FAM186A: variants seen among roughly 807,000 people sequenced by gnomAD.
FAM186A encodes the protein family with sequence similarity 186 member A.
FAM186A carries 163 observed loss-of-function variants against 216.8 expected under a neutral mutation model. That is an observed-to-expected ratio of 0.75 (90% confidence interval 0.66 to 0.86). The LOEUF (loss-of-function observed/expected upper bound fraction) is 0.86. Ranked by LOEUF, FAM186A falls within the 40% of genes least tolerant of loss-of-function variation. FAM186A has a pLI of 0.00. For synonymous variants in FAM186A, 805 were observed against 1,025.3 expected, an observed-to-expected ratio of 0.79 and a Z score of 4.10; for missense variants, 2,184 against 2,746.2, an observed-to-expected ratio of 0.80 and a Z score of 4.58.
chr12:50,354,326 C>A lies in FAM186A; in HGVS notation c.2506G>T (p.Gly836Cys). ...YLQEGQEQMS[G>C]MSLKQQLLGE... ...AGCAACTGCTGTTTGAGACTCATGC[C>A]AGACATTTGTTCTTGACCCTCTTGC... Residue 836 changes from glycine (G) to cysteine (C), a missense_variant, in exon 4 of 8, where the codon GGC (glycine) becomes TGC (cysteine). Gly to Cys is a radical substitution (Grantham distance 159). Transcript: ENST00000327337. 2 of 1,551,682 alleles carry A rather than the reference C, an allele frequency of 1.3e-6. No homozygotes were observed.
At chr12:50,350,123 T>G (rs1377378938) in intron 4 of FAM186A, among the ~76,000 whole-genome samples, 2 of 152,118 alleles carry the variant, frequency 1.3e-5, no homozygotes, top group African/African-American at 4.8e-5. Flanking sequence ...ATGGATGAAA[T>G]GGATCACGTT....
At chr12:50,384,781 A>G (rs188381872) in intron 1 of FAM186A, among the ~76,000 whole-genome samples, 2 of 152,296 alleles carry the variant, frequency 1.3e-5, no homozygotes, top group Non-Finnish European at 2.9e-5. Context: ...TACACCATAT[A>G]CAAAAATCCA....
chr12:50,368,541 CAT>C (rs1007877965), intron 1 of FAM186A, among the ~76,000 whole-genome samples: 5 of 152,198 alleles, frequency 3.3e-5, no homozygotes, highest in East Asian at 3.9e-4. Context: ...AAAGATATCA[CAT>C]GTTTATGGAT....
Position 50,327,355 on chromosome 12 carries a change from T to C in FAM186A, c.*28A>G. On this transcript the variant is annotated 3_prime_UTR_variant, in exon 8 of 8. Transcript: ENST00000327337. Reference sequence around the variant, plus strand: ...TTACTGAAAGATACTGAAATGTACTTTCAACATGCTTGTATTTAATTTTAC... The same window carrying C: ...TTACTGAAAGATACTGAAATGTACTCTCAACATGCTTGTATTTAATTTTAC... The C allele has an allele frequency of 6.5e-7, 1 of 1,534,660 alleles. No homozygotes were observed. Among genetic ancestry groups the C allele is most frequent in the Non-Finnish European group, 8.8e-7 (1 of 1,132,182 alleles).
chr12:50,378,641 CAT>C (rs1565894883), intron 1 of FAM186A, among the ~76,000 whole-genome samples: 1 of 139,854 alleles, frequency 7.2e-6, no homozygotes, highest in Non-Finnish European at 1.5e-5. Context: ...TATACACATA[CAT>C]ATATATACAC....
chr12:50,393,365 C>G (rs907968454), intron 1 of FAM186A, among the ~76,000 whole-genome samples: 8 of 151,098 alleles, frequency 5.3e-5, no homozygotes, highest in Non-Finnish European at 8.8e-5. Flanking sequence ...TGGTGAAACC[C>G]TGTCTCTACT....
rs35933165 is a variant in FAM186A, at chr12:50,357,500, GA to G, written c.584-1253del. ...CTGGGCAAAGAGTGAGACTCTGTCT[GA>G]AAAAAAAAAAAAAAAAAGACACACA... On this transcript the variant is annotated intron_variant, in intron 3 of 7. Coordinates refer to ENST00000327337, the MANE Select transcript of FAM186A (RefSeq NM_001145475.3). Among the ~76,000 whole-genome samples, 129 of 37,188 alleles carry G rather than the reference GA, an allele frequency of 3.5e-3. 1 individual carries two copies. The highest frequency in any genetic ancestry group is 5.3e-3 in the Admixed American group (15 of 2,828). 24.4% of individuals were successfully genotyped at this position (37,188 alleles called of 152,430 possible).
intron 1 of FAM186A, among the ~76,000 whole-genome samples, chr12:50,394,441 C>T (rs1943392957): frequency 6.6e-6 from 1 of 151,788 alleles, no homozygotes; most frequent in Admixed American, 6.6e-5. Flanking sequence ...GTAGTCCCAG[C>T]TACTTGGGAA....
At position 50,330,670 on chromosome 12, in the gene FAM186A, G is replaced by A; in HGVS notation, c.6937C>T (p.Leu2313Phe). Residue 2313 changes from leucine to phenylalanine, a missense_variant, in exon 7 of 8, where the codon CTC (leucine) becomes TTC (phenylalanine). Physicochemically the swap from Leu to Phe is conservative, Grantham distance 22 (BLOSUM62 0). Transcript: ENST00000327337. ...PIAEKTSMHSLWAQLGGYPDI... is the reference protein window; with the variant it reads ...PIAEKTSMHSFWAQLGGYPDI... ...GGGTACCCACCCAGCTGGGCCCAGAGTGAATGCATAGATGTCTTCTCTGCT... is the reference window on the plus strand; with the variant it reads ...GGGTACCCACCCAGCTGGGCCCAGAATGAATGCATAGATGTCTTCTCTGCT... 2 of 1,550,656 alleles carry A rather than the reference G, an allele frequency of 1.3e-6. No homozygotes were observed. Among genetic ancestry groups the A allele is most frequent in the Non-Finnish European group, 8.7e-7 (1 of 1,146,544 alleles).
At chr12:50,388,818 C>T (rs1208691957) in intron 1 of FAM186A, among the ~76,000 whole-genome samples, 1 of 150,700 alleles carries the variant, frequency 6.6e-6, no homozygotes, top group Non-Finnish European at 1.5e-5. Flanking sequence ...TTTGGGAGGT[C>T]GAAGCGAGCA....
chr12:50,360,662 G>A, intron 3 of FAM186A, 94 bp downstream of exon 3: 1 of 1,108,850 alleles, frequency 9.0e-7, no homozygotes, highest in Non-Finnish European at 1.2e-6. Context: ...ACCAGCCTGG[G>A]TGATAGAGCG....
At chr12:50,342,429 G>T (rs1942772437) in intron 4 of FAM186A, among the ~76,000 whole-genome samples, 1 of 151,070 alleles carries the variant, frequency 6.6e-6, no homozygotes, top group South Asian at 2.1e-4. Flanking sequence ...AGAACTAAGG[G>T]GGAAAAATCT....
chr12:50,362,743 CAAAAAA>C (rs10654604), intron 2 of FAM186A, among the ~76,000 whole-genome samples: 5 of 85,892 alleles, frequency 5.8e-5, no homozygotes, highest in African/African-American at 1.4e-4. Flanking sequence ...GAACCTGTCT[CAAAAAA>C]AAAAAAAAAA....
chr12:50,331,733 T>C lies in FAM186A; in HGVS notation c.6785A>G (p.Gln2262Arg), dbSNP rs1942658106. The C allele has an allele frequency of 6.5e-7, 1 of 1,549,680 alleles. No individual in the cohort carries two copies. Among genetic ancestry groups the C allele is most frequent in the Non-Finnish European group, 8.7e-7 (1 of 1,146,642 alleles). The change falls in exon 6 of 8, where the codon CAA becomes CGA. Residue 2262 changes from glutamine to arginine, a missense_variant. Physicochemically the swap from Gln to Arg is conservative, Grantham distance 43. This residue lies in a region of FAM186A where 721 missense variants were observed against 816.4 expected (regional missense o/e 0.88). Coordinates refer to ENST00000327337, the MANE Select transcript of FAM186A (RefSeq NM_001145475.3). The part of the protein sequence containing the change: ...KQIPASTTFV[Q>R]KPFLKLLMEE... Reference sequence around the variant, plus strand: ...CATTAGTAATTTTAAGAATGGCTTTTGAACAAATGTGGTAGAGGCAGGTAT... The same window carrying C: ...CATTAGTAATTTTAAGAATGGCTTTCGAACAAATGTGGTAGAGGCAGGTAT...
intron 7 of FAM186A, among the ~76,000 whole-genome samples, chr12:50,327,738 T>G (rs1565876918): frequency 6.6e-6 from 1 of 151,852 alleles, no homozygotes; most frequent in Non-Finnish European, 1.5e-5. Flanking sequence ...CAGACTGGGG[T>G]CTTGCCATGT....
intron 1 of FAM186A, among the ~76,000 whole-genome samples, chr12:50,384,091 C>G (rs184711707): frequency 3.9e-5 from 6 of 152,046 alleles, no homozygotes; most frequent in African/African-American, 1.2e-4. Context: ...GCACTCCAAC[C>G]TGGGCGACAA....
chr12:50,332,839 C>G (rs1481352616), intron 5 of FAM186A, among the ~76,000 whole-genome samples: 1 of 151,968 alleles, frequency 6.6e-6, no homozygotes. Context: ...ACCAGCCTGG[C>G]CAACATGGTG....
At chr12:50,390,234 G>A (rs1057191951) in intron 1 of FAM186A, among the ~76,000 whole-genome samples, 3 of 152,140 alleles carry the variant, frequency 2.0e-5, no homozygotes, top group African/African-American at 7.2e-5. Flanking sequence ...TCCCCCAAAA[G>A]GTCTGATTAT....
intron 1 of FAM186A, among the ~76,000 whole-genome samples, chr12:50,373,998 A>T (rs1333184210): frequency 6.6e-6 from 1 of 151,980 alleles, no homozygotes; most frequent in African/African-American, 2.4e-5. Flanking sequence ...CATGTCCTTT[A>T]TAAGGACATG....
Sources: gnomAD v4.1 joint callset for allele counts (sites outside exome capture counted in the v4.1 genomes callset) on GRCh38, gnomAD v4.1.1 for gene constraint, gnomAD v4.1.1 regional missense constraint, MANE v1.5 for transcripts, NCBI Gene and HGNC (gene_info 2026-07-23, HGNC 2026-07-21) for gene names.